Variants in EPC2 observed in about 807,000 individuals in gnomAD.
EPC2 encodes enhancer of polycomb 2, also known as enhancer of polycomb homolog 2.
Under a neutral mutation model 92.1 loss-of-function variants are expected in EPC2, and 14 were observed. The observed-to-expected ratio is 0.15, with a 90% confidence interval of 0.10 to 0.24. EPC2 has a LOEUF of 0.24. EPC2 is among the 10% of genes least tolerant of loss of function. The pLI, the probability that EPC2 is intolerant of heterozygous loss-of-function variation, is 1.00. For synonymous variants in EPC2, 340 were observed against 334.7 expected (o/e 1.02, Z -0.17); for missense variants, 755 against 971.5 (o/e 0.78, Z 2.96).
At chr2:148,694,980 C>T (rs1428637393) in intron 2 of EPC2, among the ~76,000 whole-genome samples, 1 of 152,214 alleles carries the variant, frequency 6.6e-6, no homozygotes, top group African/African-American at 2.4e-5. Context: ...ACCATGTTGG[C>T]CAGGCTTATC....
chr2:148,762,691 T>G lies in EPC2; in HGVS notation c.837T>G (p.Gly279=). 6.2e-7 allele frequency: 1 copy of G among 1,605,466 alleles called. No homozygotes were observed. The change falls in exon 6 of 14, where the codon GGT becomes GGG. Residue 279 remains glycine (G), a synonymous_variant. Coordinates refer to ENST00000258484, the MANE Select transcript of EPC2 (RefSeq NM_015630.4). ...VEKRYHLGDY[G]GEILNEVKIS... is the part of the protein sequence containing the mutation. ...CAAGATACCATTTGGGAGACTATGG[T>G]GGTGAAATCCTTAATGAAGTAAAAA...
At chr2:148,658,975 AATAG>A (rs1243544819) in intron 1 of EPC2, among the ~76,000 whole-genome samples, 2 of 151,884 alleles carry the variant, frequency 1.3e-5, no homozygotes, top group African/African-American at 4.8e-5. Context: ...TTGTATTTGT[AATAG>A]ATCATTATTG....
intron 1 of EPC2, chr2:148,645,427 T>TA (rs911251696): frequency 3.9e-5 from 16 of 409,690 alleles, no homozygotes; most frequent in Non-Finnish European, 6.6e-5. Context: ...GGCCTTGCCG[T>TA]AAGCGGCGGC....
chr2:148,781,664 G>C lies in EPC2; in HGVS notation c.1741G>C (p.Glu581Gln), dbSNP rs1439237660. 1.2e-6 allele frequency: 2 copies of C among 1,613,318 alleles called. No homozygotes were observed. The highest frequency in any genetic ancestry group is 2.7e-5 in the African/African-American group (2 of 74,922). ...GISVTGGITE[E>Q]QFQTHQQQLV... Reference sequence around the variant, plus strand: ...ACCAGTAACAGGGGGTATCACAGAAGAGCAGTTTCAGACACATCAGCAGCA... The same window carrying C: ...ACCAGTAACAGGGGGTATCACAGAACAGCAGTTTCAGACACATCAGCAGCA... The change falls in exon 11 of 14, where the codon GAG becomes CAG. Residue 581 changes from glutamate (E) to glutamine (Q), a missense_variant. Coordinates refer to ENST00000258484, the MANE Select transcript of EPC2 (RefSeq NM_015630.4).
chr2:148,726,898 A>G (rs1022947614), intron 2 of EPC2, among the ~76,000 whole-genome samples: 4 of 149,152 alleles, frequency 2.7e-5, no homozygotes, highest in Non-Finnish European at 5.9e-5. Flanking sequence ...CAGTCTGTTG[A>G]TTGTTTCCTT....
chr2:148,734,509 C>T (rs1306928050), intron 2 of EPC2, among the ~76,000 whole-genome samples: 1 of 152,034 alleles, frequency 6.6e-6, no homozygotes, highest in Non-Finnish European at 1.5e-5. Context: ...TTCTATAGTA[C>T]TTGACTTTCA....
intron 2 of EPC2, among the ~76,000 whole-genome samples, chr2:148,740,429 G>A (rs918670036): frequency 2.0e-5 from 3 of 152,098 alleles, no homozygotes; most frequent in Non-Finnish European, 4.4e-5. Context: ...TGGGTTTTGA[G>A]TGAAAGAGAA....
At chr2:148,656,539 T>C (rs190584919) in intron 1 of EPC2, among the ~76,000 whole-genome samples, 311 of 152,344 alleles carry the variant, frequency 2.0e-3, no homozygotes, top group African/African-American at 7.2e-3. Flanking sequence ...AAGCCAGATA[T>C]TTCATATGGA....
At chr2:148,668,130 C>T (rs1681089297) in intron 1 of EPC2, among the ~76,000 whole-genome samples, 4 of 152,138 alleles carry the variant, frequency 2.6e-5, no homozygotes, top group South Asian at 2.1e-4. Flanking sequence ...AACTCCTGTC[C>T]GTGTGATCCA....
At chr2:148,740,151 G>A (rs1211349541) in intron 2 of EPC2, among the ~76,000 whole-genome samples, 1 of 150,754 alleles carries the variant, frequency 6.6e-6, no homozygotes, top group Non-Finnish European at 1.5e-5. Flanking sequence ...TATTCTGCTT[G>A]TAGTTTAAAA....
In EPC2 at chr2:148,761,048, A is replaced by G. The variant is rs1416869429; in HGVS notation, c.667-734A>G. Among the ~76,000 whole-genome samples, 40 of 152,218 alleles carry G rather than the reference A, an allele frequency of 2.6e-4. 1 individual carries two copies. Among genetic ancestry groups the G allele is most frequent in the Admixed American group, 2.6e-3 (39 of 15,284 alleles). ...AACAAAATAGTTTATATTAGTAATAATTTTATATGCAAATAGATGCTACTA... is the reference window on the plus strand; with the variant it reads ...AACAAAATAGTTTATATTAGTAATAGTTTTATATGCAAATAGATGCTACTA... On this transcript the variant is annotated intron_variant, in intron 4 of 13. Transcript: ENST00000258484.
In EPC2 at chr2:148,762,131, GTT is replaced by G. The variant is rs1683310979; in HGVS notation, c.815+204_815+205del. 13 of 407,434 alleles carry G rather than the reference GTT, an allele frequency of 3.2e-5. No individual in the cohort carries two copies. In the South Asian group the frequency reaches 4.0e-4, roughly 12 times the overall value. The allele number at this position is 407,434 out of a possible 1,614,324, so 25.2% of individuals were successfully genotyped here. A position where few individuals can be genotyped will look rare whatever the true frequency, so the allele number is the denominator to read the frequency against. On this transcript the variant is annotated intron_variant, in intron 5 of 13. Transcript: ENST00000258484. ...AATTTGGATTGCAGATTTTGGGAGA[GTT>G]TTGTGTATACTGTAGATCCTATACT...
At chr2:148,762,265 G>A (rs1042298797) in intron 5 of EPC2, 4 of 186,256 alleles carry the variant, frequency 2.1e-5, no homozygotes, top group South Asian at 1.4e-4. Flanking sequence ...AGGGAAATAA[G>A]TATTGATTTT....
At chr2:148,755,444 G>C (rs1488986317) in intron 4 of EPC2, among the ~76,000 whole-genome samples, 5 of 151,850 alleles carry the variant, frequency 3.3e-5, no homozygotes, top group African/African-American at 9.7e-5. Context: ...AGTAGGGAAG[G>C]GTTCATTTTC....
At chr2:148,691,717 G>T in intron 2 of EPC2, 1 of 1,130,636 alleles carries the variant, frequency 8.8e-7, no homozygotes, top group Non-Finnish European at 1.3e-6. Context: ...TTTAATTTAG[G>T]CTGCAGATCT....
At chr2:148,753,590 A>G (rs555457083) in intron 3 of EPC2, among the ~76,000 whole-genome samples, 20 of 152,240 alleles carry the variant, frequency 1.3e-4, no homozygotes, top group East Asian at 9.6e-4. Context: ...TCAAATGTGT[A>G]TAATATCAGA....
intron 3 of EPC2, among the ~76,000 whole-genome samples, chr2:148,749,829 T>G (rs1683054064): frequency 6.9e-6 from 1 of 144,566 alleles, no homozygotes; most frequent in Non-Finnish European, 1.6e-5. Context: ...ATTTTATAAT[T>G]ATGTTATATA....
intron 2 of EPC2, among the ~76,000 whole-genome samples, chr2:148,741,176 G>A (rs1289211640): frequency 6.6e-6 from 1 of 152,078 alleles, no homozygotes; most frequent in Non-Finnish European, 1.5e-5. Context: ...TTTAACTTTA[G>A]ATTATATCGC....
In EPC2 at chr2:148,645,178, C is replaced by T; in HGVS notation, c.153+8C>T. The T allele has an allele frequency of 6.2e-7, 1 of 1,600,542 alleles. No individual in the cohort carries two copies. The highest frequency in any genetic ancestry group is 1.7e-4 in the Middle Eastern group (1 of 6,030). On this transcript the variant is annotated splice_region_variant and intron_variant, in intron 1 of 13. Coordinates refer to ENST00000258484, the MANE Select transcript of EPC2 (RefSeq NM_015630.4). ...GAGAAGGAGGAGGAATCGGTAGGGACTCGAGTGTTTATTACCCCCCCTTCC... is the reference window on the plus strand; with the variant it reads ...GAGAAGGAGGAGGAATCGGTAGGGATTCGAGTGTTTATTACCCCCCCTTCC...
Sources: gnomAD v4.1 joint callset for allele counts (sites outside exome capture counted in the v4.1 genomes callset) on GRCh38, gnomAD v4.1.1 for gene constraint, MANE v1.5 for transcripts, NCBI Gene and HGNC (gene_info 2026-07-23, HGNC 2026-07-21) for gene names.